Variants in GLMN observed in about 807,000 individuals in gnomAD.
The protein encoded by GLMN is glomulin, FKBP associated protein.
In GLMN, 75 loss-of-function variants were observed where a neutral mutation model predicts 87.8. The ratio of observed to expected loss-of-function variants is 0.85; its 90% CI spans 0.71 to 1.04. The LOEUF (loss-of-function observed/expected upper bound fraction) is 1.04. Ranked by LOEUF, GLMN falls within the 50% of genes least tolerant of loss-of-function variation. The pLI, the probability that GLMN is intolerant of heterozygous loss-of-function variation, is 0.00. For missense variants in GLMN, 588 were observed against 658.8 expected, an observed-to-expected ratio of 0.89 and a Z score of 1.18; for synonymous variants, 206 against 221.6, an observed-to-expected ratio of 0.93 and a Z score of 0.63.
rs776865849 is a variant in GLMN, at chr1:92,286,557, G to C, written c.668C>G (p.Ala223Gly). ...FKSLKCPLLT[A>G]QFFEQSEEGG... is the part of the protein sequence containing the mutation. The stretch of plus-strand genomic sequence containing the variant: ...TTCTTCAGACTGTTCAAAGAATTGT[G>C]CTGTCAGCAAAGGGCATTTCAAGCT... The change falls in exon 7 of 19, where the codon GCA becomes GGA. Residue 223 changes from alanine to glycine, a missense_variant. Physicochemically the swap from Ala to Gly is moderately conservative, Grantham distance 60. Transcript: ENST00000370360. The C allele has an allele frequency of 6.2e-7, 1 of 1,605,770 alleles. No homozygotes were observed. Among genetic ancestry groups the C allele is most frequent in the South Asian group, 1.1e-5 (1 of 90,894 alleles).
the GLMN span, chr1:92,363,679 A>C: frequency 3.4e-6 from 1 of 294,682 alleles, no homozygotes. Flanking sequence ...TAGCAAGACC[A>C]ACCCCACTTC....
At chr1:92,362,351 AT>A in the GLMN span, among the ~76,000 whole-genome samples, 1 of 152,162 alleles carries the variant, frequency 6.6e-6, no homozygotes, top group Admixed American at 6.5e-5. Flanking sequence ...TGGAAGCAAA[AT>A]TCAAATGCTT....
chr1:92,256,149 G>GA (rs901024198), intron 16 of GLMN, among the ~76,000 whole-genome samples: 20 of 151,602 alleles, frequency 1.3e-4, no homozygotes, highest in Middle Eastern at 3.4e-3. Flanking sequence ...AGAAAATCTA[G>GA]AAAAAAAATG....
Position 92,268,169 on chromosome 1 carries a change from G to C in GLMN, c.978-34C>G, listed in dbSNP as rs751761547. On this transcript the variant is annotated intron_variant, in intron 9 of 18. Coordinates refer to ENST00000370360, the MANE Select transcript of GLMN (RefSeq NM_053274.3). Reference sequence around the variant, plus strand: ...TAATATTAAAATTTATCATGAATTTGTAAACTATTTTAGAATGATACTTCA... The same window carrying C: ...TAATATTAAAATTTATCATGAATTTCTAAACTATTTTAGAATGATACTTCA... 44 of 1,141,832 alleles carry C rather than the reference G, an allele frequency of 3.9e-5. No homozygotes were observed. In the Admixed American group the frequency reaches 7.5e-4, roughly 19 times the overall value. 70.7% of individuals were successfully genotyped at this position (1,141,832 alleles called of 1,614,324 possible). A position where few individuals can be genotyped will look rare whatever the true frequency, so the allele number is the denominator to read the frequency against.
intron 7 of GLMN, among the ~76,000 whole-genome samples, chr1:92,285,708 C>T (rs998538562): frequency 6.6e-6 from 1 of 152,176 alleles, no homozygotes; most frequent in South Asian, 2.1e-4. Context: ...CCTAATTCAA[C>T]CAAATGTTAC....
chr1:92,247,951 A>G lies in GLMN; in HGVS notation c.1512T>C (p.Asn504=). The change falls in exon 17 of 19, where the codon AAT becomes AAC. Residue 504 remains asparagine (N), a synonymous_variant. Coordinates refer to ENST00000370360, the MANE Select transcript of GLMN (RefSeq NM_053274.3). ...GTCCTATATGAAGTGGCTTTAAGAA[A>G]TTATTCTCAATATTTCCAAGTTCTG... is the stretch of plus-strand genomic sequence containing the variant. ...LWTELGNIEN[N]FLKPLHIGLN... is the part of the protein sequence containing the mutation. The G allele has an allele frequency of 7.3e-7, 1 of 1,371,588 alleles. No homozygotes were observed. Among genetic ancestry groups the G allele is most frequent in the Non-Finnish European group, 1.0e-6 (1 of 960,410 alleles). The allele number at this position is 1,371,588 out of a possible 1,614,324, so 85.0% of individuals were successfully genotyped here.
At chr1:92,281,702 G>T (rs1648075835) in intron 7 of GLMN, among the ~76,000 whole-genome samples, 1 of 152,010 alleles carries the variant, frequency 6.6e-6, no homozygotes, top group Non-Finnish European at 1.5e-5. Flanking sequence ...AAAACCCATT[G>T]GTGTGCTGTA....
chr1:92,317,440 G>A, the GLMN span, among the ~76,000 whole-genome samples: 1 of 151,940 alleles, frequency 6.6e-6, no homozygotes, highest in Non-Finnish European at 1.5e-5. Context: ...CCTGGGAGGC[G>A]GAGGTTGCAG....
chr1:92,276,605 T>C (rs1570924754), intron 7 of GLMN, among the ~76,000 whole-genome samples: 1 of 152,214 alleles, frequency 6.6e-6, no homozygotes, highest in East Asian at 1.9e-4. Context: ...GAGGTTTCAG[T>C]GAGCCGACAT....
intron 7 of GLMN, among the ~76,000 whole-genome samples, chr1:92,276,002 A>C (rs1647255512): frequency 6.6e-6 from 1 of 152,182 alleles, no homozygotes; most frequent in Non-Finnish European, 1.5e-5. Flanking sequence ...TGGGAGGATC[A>C]CTTGAGCCCA....
chr1:92,359,620 A>G, the GLMN span, among the ~76,000 whole-genome samples: 64 of 152,312 alleles, frequency 4.2e-4, no homozygotes, highest in African/African-American at 1.3e-3. Flanking sequence ...GTGCCTGGCA[A>G]TGCACTTGGT....
chr1:92,322,724 A>C, the GLMN span, among the ~76,000 whole-genome samples: 1 of 151,254 alleles, frequency 6.6e-6, no homozygotes, highest in Non-Finnish European at 1.5e-5. Context: ...AAAAAATACA[A>C]AAATTAGCCA....
At chr1:92,366,677 C>T in the GLMN span, among the ~76,000 whole-genome samples, 5 of 152,314 alleles carry the variant, frequency 3.3e-5, no homozygotes, top group South Asian at 1.0e-3. Context: ...TAATTACTTT[C>T]ATGCTAAGGA....
At chr1:92,314,383 T>C in the GLMN span, among the ~76,000 whole-genome samples, 11 of 152,076 alleles carry the variant, frequency 7.2e-5, no homozygotes, top group Admixed American at 6.5e-4. Context: ...TAGTGCATTT[T>C]ATTTATTCTA....
At chr1:92,367,459 G>C in the GLMN span, among the ~76,000 whole-genome samples, 1 of 152,172 alleles carries the variant, frequency 6.6e-6, no homozygotes, top group Admixed American at 6.5e-5. Context: ...TTGAAGGTAT[G>C]GCTGTTTGAC....
chr1:92,322,506 T>G, the GLMN span, among the ~76,000 whole-genome samples: 4 of 151,542 alleles, frequency 2.6e-5, no homozygotes, highest in East Asian at 7.9e-4. Context: ...ATCTTGCCAC[T>G]GCGCTCCAGC....
the GLMN span, among the ~76,000 whole-genome samples, chr1:92,346,745 T>C: frequency 1.3e-5 from 2 of 152,208 alleles, no homozygotes; most frequent in Non-Finnish European, 2.9e-5. Flanking sequence ...CTCATTCAGC[T>C]TTTAAGAAAC....
At chr1:92,369,694 A>G in the GLMN span, among the ~76,000 whole-genome samples, 5 of 152,104 alleles carry the variant, frequency 3.3e-5, no homozygotes, top group Non-Finnish European at 7.3e-5. Flanking sequence ...GGAGTTGTTC[A>G]TTAATGAAAA....
upstream of GLMN, among the ~76,000 whole-genome samples, chr1:92,302,851 C>T (rs533457936): frequency 1.4e-3 from 216 of 151,842 alleles, no homozygotes; most frequent in Non-Finnish European, 2.7e-3. Flanking sequence ...CCGCCCGCGT[C>T]GGCCTCCCAA....
Sources: gnomAD v4.1 joint callset for allele counts (sites outside exome capture counted in the v4.1 genomes callset) on GRCh38, gnomAD v4.1.1 for gene constraint, MANE v1.5 for transcripts, NCBI Gene and HGNC (gene_info 2026-07-23, HGNC 2026-07-21) for gene names.